The following SH2B2 variants were observed in gnomAD, a reference collection of about 807,000 sequenced individuals.
The protein encoded by SH2B2 is SH2B adapter protein 2.
Under a neutral mutation model 35.7 loss-of-function variants are expected in SH2B2, and 37 were observed. That is an observed-to-expected ratio of 1.04 (90% confidence interval 0.80 to 1.36). The LOEUF (loss-of-function observed/expected upper bound fraction) is 1.36, where lower values mean the gene tolerates loss of function less well. SH2B2 is among the 40% of genes most tolerant of loss of function. SH2B2 has a pLI of 0.00. For missense variants in SH2B2, 852 were observed against 817.7 expected (o/e 1.04, Z -0.51); for synonymous variants, 383 against 376.4 (o/e 1.02, Z -0.20).
At chr7:102,310,242 G>A (rs1400730934) in intron 4 of SH2B2, among the ~76,000 whole-genome samples, 1 of 152,170 alleles carries the variant, frequency 6.6e-6, no homozygotes. Flanking sequence ...CTTGAACCCG[G>A]GAGGCAGAGG....
chr7:102,310,143 C>T (rs1793565279), intron 4 of SH2B2, among the ~76,000 whole-genome samples: 1 of 151,978 alleles, frequency 6.6e-6, no homozygotes, highest in Non-Finnish European at 1.5e-5. Context: ...TGGTGAAAAC[C>T]CATCTCTACT....
Position 102,301,215 on chromosome 7 carries a change from G to A in SH2B2, c.665G>A (p.Arg222His). 6.3e-7 allele frequency: 1 copy of A among 1,594,902 alleles called. No individual in the cohort carries two copies. The highest frequency in any genetic ancestry group is 1.7e-5 in the Admixed American group (1 of 57,882). ...SGGSAQWQKC[R>H]LLLRRAVAEE... ...GGCTCGGCTCAGTGGCAGAAGTGCCGCCTGCTCCTGCGCAGGGCTGTGGCC... is the reference window on the plus strand; with the variant it reads ...GGCTCGGCTCAGTGGCAGAAGTGCCACCTGCTCCTGCGCAGGGCTGTGGCC... The change falls in exon 2 of 9, where the codon CGC (arginine) becomes CAC (histidine). Residue 222 changes from arginine to histidine, a missense_variant. By Grantham distance (29) the Arg-to-His change is conservative. This residue lies in a region of SH2B2 where 556 missense variants were observed against 514.5 expected (regional missense o/e 1.08). Transcript: ENST00000444095.
intron 7 of SH2B2, among the ~76,000 whole-genome samples, chr7:102,319,376 C>G (rs1793970603): frequency 6.6e-6 from 1 of 152,164 alleles, no homozygotes; most frequent in Non-Finnish European, 1.5e-5. Flanking sequence ...GGGACCGCCA[C>G]CCCGCTCCAG....
chr7:102,313,165 G>A (rs913810142), intron 4 of SH2B2, among the ~76,000 whole-genome samples: 26 of 150,190 alleles, frequency 1.7e-4, no homozygotes, highest in African/African-American at 5.2e-4. Context: ...GTGTTCTTGC[G>A]GCCAGGTGCA....
chr7:102,301,042 T>TGCCCCGCGCACCGCCGA lies in SH2B2; in HGVS notation c.501_517dup (p.Asp173AlafsTer13). 7.3e-7 allele frequency: 1 copy of TGCCCCGCGCACCGCCGA among 1,368,912 alleles called. No homozygotes were observed. The highest frequency in any genetic ancestry group is 9.4e-7 in the Non-Finnish European group (1 of 1,064,778). 84.8% of individuals were successfully genotyped at this position (1,368,912 alleles called of 1,614,324 possible). A position where few individuals can be genotyped will look rare whatever the true frequency, so the allele number is the denominator to read the frequency against. On this transcript the variant is annotated frameshift_variant, in exon 2 of 9. Transcript: ENST00000444095. LOFTEE classifies it high-confidence loss of function. ...CCTCGCCCGAGCCCGACGCGGCAGC[T>TGCCCCGCGCACCGCCGA]GCCCCGCGCACCGCCGAGCCCCGCG...
intron 2 of SH2B2, among the ~76,000 whole-genome samples, chr7:102,305,970 C>G (rs1482253474): frequency 6.8e-6 from 1 of 147,272 alleles, no homozygotes; most frequent in Admixed American, 6.8e-5. Flanking sequence ...TCATAGCTCA[C>G]TGCAGCCTCG....
Position 102,310,081 on chromosome 7 carries a change from C to T in SH2B2, c.923+1175C>T, listed in dbSNP as rs201191965. On this transcript the variant is annotated intron_variant, in intron 4 of 8. Coordinates refer to ENST00000444095, the MANE Select transcript of SH2B2 (RefSeq NM_001359228.2). ...CCATAGTCCCAGCACTTTGGGAGGC[C>T]GAGGCAGGCGGATCACCTGAGGTCA... is the stretch of plus-strand genomic sequence containing the variant. 3.9e-5 allele frequency among the ~76,000 whole-genome samples: 6 copies of T among 152,066 alleles called. 1 individual carries two copies. The highest frequency in any genetic ancestry group is 4.1e-4 in the South Asian group (2 of 4,824).
chr7:102,318,285 C>T (rs1563569781), intron 7 of SH2B2, among the ~76,000 whole-genome samples: 1 of 152,078 alleles, frequency 6.6e-6, no homozygotes, highest in African/African-American at 2.4e-5. Context: ...ATTACAGACA[C>T]GTACCACCAC....
At chr7:102,320,145 A>G (rs566117789) in intron 7 of SH2B2, among the ~76,000 whole-genome samples, 186 bp from the exon 8 acceptor site, 102 of 152,058 alleles carry the variant, frequency 6.7e-4, no homozygotes, top group Admixed American at 1.9e-3. Flanking sequence ...GATGCCTTCC[A>G]TCTCAGCCTG....
At chr7:102,305,893 CTTTTTTTTTTTTTT>C (rs1292537190) in intron 2 of SH2B2, among the ~76,000 whole-genome samples, 1 of 107,306 alleles carries the variant, frequency 9.3e-6, no homozygotes, top group East Asian at 2.7e-4. Flanking sequence ...TTTTTTTTTT[CTTTTTTTTTTTTTT>C]TTTTTGAGGC....
At chr7:102,306,595 T>A (rs712843) in intron 2 of SH2B2, 126 bp from the exon 3 acceptor site, 25,237 of 687,542 alleles carry the variant, frequency 0.037, 633 homozygotes, top group Middle Eastern at 0.082. Context: ...GGGATTGGGA[T>A]ACCTCTGTAC....
chr7:102,285,349 C>T (rs1293842), upstream of SH2B2: 7 of 905,814 alleles, frequency 7.7e-6, no homozygotes, highest in Non-Finnish European at 1.1e-5. Context: ...CTCCCACTCT[C>T]GGGCACCCCC....
At position 102,320,460 on chromosome 7, in the gene SH2B2, A is replaced by T; in HGVS notation, c.1525A>T (p.Ile509Phe). Residue 509 changes from isoleucine to phenylalanine, a missense_variant, in exon 8 of 9, where the codon ATC (isoleucine) becomes TTC (phenylalanine). Ile to Phe is a conservative substitution (Grantham distance 21). Coordinates refer to ENST00000444095, the MANE Select transcript of SH2B2 (RefSeq NM_001359228.2). Reference protein sequence around the residue: ...IPLESGGSADITLRSYVRAQD... With the variant: ...IPLESGGSADFTLRSYVRAQD... ...ACTGGAGTCAGGGGGCTCGGCCGACATCACCCTTCGCAGCTATGTGCGGGC... is the reference window on the plus strand; with the variant it reads ...ACTGGAGTCAGGGGGCTCGGCCGACTTCACCCTTCGCAGCTATGTGCGGGC... 1 of 1,613,664 alleles carries T rather than the reference A, an allele frequency of 6.2e-7. No individual in the cohort carries two copies. The highest frequency in any genetic ancestry group is 8.5e-7 in the Non-Finnish European group (1 of 1,179,840).
At chr7:102,309,161 C>A (rs1049896462) in intron 4 of SH2B2, 3 of 606,510 alleles carry the variant, frequency 4.9e-6, no homozygotes, top group Non-Finnish European at 6.2e-6. Context: ...CAGGTCTTGT[C>A]TTCACCCCAA....
intron 4 of SH2B2, among the ~76,000 whole-genome samples, chr7:102,310,091 G>A (rs963581358): frequency 3.3e-5 from 5 of 152,134 alleles, no homozygotes; most frequent in African/African-American, 9.7e-5. Flanking sequence ...CGAGGCAGGC[G>A]GATCACCTGA....
intron 3 of SH2B2, 97 bp from the exon 4 acceptor site, chr7:102,308,718 G>A: frequency 2.3e-6 from 2 of 872,396 alleles, no homozygotes; most frequent in Non-Finnish European, 3.9e-6. Flanking sequence ...CTGTGGGAGA[G>A]GGGGATCAGC....
chr7:102,309,782 A>G (rs1256126990), intron 4 of SH2B2, among the ~76,000 whole-genome samples: 7 of 152,196 alleles, frequency 4.6e-5, no homozygotes, highest in Admixed American at 4.6e-4. Flanking sequence ...AGGCTTAAAT[A>G]AAGAGTGGAC....
Position 102,318,418 on chromosome 7 carries a change from C to T in SH2B2, c.1395+1023C>T, listed in dbSNP as rs148381573. Among the ~76,000 whole-genome samples, 833 of 152,270 alleles carry T rather than the reference C, an allele frequency of 5.5e-3. 9 individuals carry two copies. Among genetic ancestry groups the T allele is most frequent in the African/African-American group, 0.019 (810 of 41,552 alleles). ...CCTCCCAAAGTGCTGGGATTACAGGCGTGAGCCCCCACGCCCGGCCTATTG... is the reference window on the plus strand; with the variant it reads ...CCTCCCAAAGTGCTGGGATTACAGGTGTGAGCCCCCACGCCCGGCCTATTG... On this transcript the variant is annotated intron_variant, in intron 7 of 8. Coordinates refer to ENST00000444095, the MANE Select transcript of SH2B2 (RefSeq NM_001359228.2).
intron 7 of SH2B2, among the ~76,000 whole-genome samples, chr7:102,319,018 A>G (rs1161135294): frequency 1.3e-5 from 2 of 151,698 alleles, no homozygotes; most frequent in African/African-American, 2.4e-5. Flanking sequence ...TCACCTCTCT[A>G]CCCAGCTGCT....
Sources: allele counts gnomAD v4.1 joint callset (sites outside exome capture counted in the v4.1 genomes callset), GRCh38; gene constraint gnomAD v4.1.1; regional missense constraint gnomAD v4.1.1; transcripts MANE v1.5; gene names NCBI Gene and HGNC (gene_info 2026-07-23, HGNC 2026-07-21).